HTR1F: variants seen among roughly 807,000 people sequenced by gnomAD.
HTR1F encodes 5-hydroxytryptamine (serotonin) receptor 1F, G protein-coupled.
A neutral mutation model predicts 24.0 loss-of-function variants in HTR1F; 17 were observed. The ratio of observed to expected loss-of-function variants is 0.71; its 90% CI spans 0.48 to 1.06. The LOEUF (loss-of-function observed/expected upper bound fraction) is 1.06, where lower values mean the gene tolerates loss of function less well. HTR1F is among the 50% of genes least tolerant of loss of function. HTR1F has a pLI of 0.00. For missense variants in HTR1F, 391 were observed against 427.8 expected, an observed-to-expected ratio of 0.91 and a Z score of 0.76; for synonymous variants, 186 against 156.8, an observed-to-expected ratio of 1.19 and a Z score of -1.39.
At chr3:87,856,042 A>G (rs1705190100) in intron 2 of HTR1F, among the ~76,000 whole-genome samples, 1 of 152,086 alleles carries the variant, frequency 6.6e-6, no homozygotes, top group Non-Finnish European at 1.5e-5. Context: ...TTAAGAAAAA[A>G]ATTATATTTC....
chr3:87,887,682 C>T (rs1279176827), intron 2 of HTR1F, among the ~76,000 whole-genome samples: 2 of 152,080 alleles, frequency 1.3e-5, no homozygotes, highest in East Asian at 3.9e-4. Flanking sequence ...GACACTTCTC[C>T]AAAGAAGACA....
chr3:87,869,295 T>C (rs9812260), intron 2 of HTR1F, among the ~76,000 whole-genome samples: 12,797 of 151,960 alleles, frequency 0.084, 1,711 homozygotes, highest in African/African-American at 0.29. Flanking sequence ...ATGAACATTA[T>C]TTGAAAGCTC....
chr3:87,884,905 T>C (rs1350300712), intron 2 of HTR1F, among the ~76,000 whole-genome samples: 1 of 152,112 alleles, frequency 6.6e-6, no homozygotes, highest in Non-Finnish European at 1.5e-5. Flanking sequence ...ATGGGAGACT[T>C]TAACACCCCA....
At chr3:87,805,270 C>A (rs530848738) in intron 1 of HTR1F, among the ~76,000 whole-genome samples, 2 of 151,966 alleles carry the variant, frequency 1.3e-5, no homozygotes, top group African/African-American at 2.4e-5. Flanking sequence ...CCTTAGTGAG[C>A]ATGGTCAATT....
intron 1 of HTR1F, among the ~76,000 whole-genome samples, chr3:87,813,166 G>A (rs1231921730): frequency 6.6e-6 from 1 of 152,200 alleles, no homozygotes; most frequent in Non-Finnish European, 1.5e-5. Context: ...CTTGCACTGT[G>A]TGCCTGGAAA....
chr3:87,962,622 G>T (rs112961569), intron 2 of HTR1F, among the ~76,000 whole-genome samples: 3,166 of 152,038 alleles, frequency 0.021, 103 homozygotes, highest in African/African-American at 0.072. Flanking sequence ...ATATTAGCAG[G>T]ATATGAAGTA....
chr3:87,821,045 T>C (rs968799752), intron 1 of HTR1F, among the ~76,000 whole-genome samples: 2 of 152,208 alleles, frequency 1.3e-5, no homozygotes, highest in Non-Finnish European at 1.5e-5. Context: ...AACCAACCCT[T>C]TGGTAATATT....
intron 2 of HTR1F, among the ~76,000 whole-genome samples, chr3:87,933,046 A>G (rs1474543441): frequency 2.7e-5 from 4 of 149,578 alleles, no homozygotes; most frequent in African/African-American, 9.9e-5. Context: ...AGGCTGGTTC[A>G]ATATATGCAA....
At chr3:87,968,024 C>T (rs538196125) in intron 2 of HTR1F, among the ~76,000 whole-genome samples, 1 of 152,244 alleles carries the variant, frequency 6.6e-6, no homozygotes, top group South Asian at 2.1e-4. Flanking sequence ...GACCAAAATG[C>T]TGATAGTAAT....
intron 2 of HTR1F, among the ~76,000 whole-genome samples, chr3:87,942,022 A>G (rs1576067176): frequency 6.6e-6 from 1 of 152,012 alleles, no homozygotes; most frequent in East Asian, 1.9e-4. Flanking sequence ...AGGAGGCAGA[A>G]TCCTTTAGTT....
chr3:87,854,295 A>C (rs1184630451), intron 2 of HTR1F, among the ~76,000 whole-genome samples: 1 of 151,674 alleles, frequency 6.6e-6, no homozygotes, highest in African/African-American at 2.4e-5. Context: ...TCTTGAATGT[A>C]TTTATTTGTG....
intron 2 of HTR1F, among the ~76,000 whole-genome samples, chr3:87,966,747 A>C (rs1705171225): frequency 6.6e-6 from 1 of 152,168 alleles, no homozygotes; most frequent in South Asian, 2.1e-4. Context: ...GGGCGTGGAA[A>C]ATTTCTTAAG....
intron 2 of HTR1F, among the ~76,000 whole-genome samples, chr3:87,933,867 G>C (rs763188164): frequency 2.0e-5 from 3 of 152,118 alleles, no homozygotes; most frequent in Non-Finnish European, 4.4e-5. Flanking sequence ...TGAAAGTCAT[G>C]GGCAGTAGCA....
At chr3:87,809,248 A>G (rs1376421722) in intron 1 of HTR1F, among the ~76,000 whole-genome samples, 1 of 151,858 alleles carries the variant, frequency 6.6e-6, no homozygotes, top group Admixed American at 6.6e-5. Context: ...TGCTTCATGT[A>G]CTAAATAATA....
intron 2 of HTR1F, among the ~76,000 whole-genome samples, chr3:87,832,771 A>G (rs559732469): frequency 6.6e-6 from 1 of 152,344 alleles, no homozygotes; most frequent in South Asian, 2.1e-4. Context: ...CACATTTCAC[A>G]TTATCAAGAT....
chr3:87,946,863 G>A (rs1282439350), intron 2 of HTR1F, among the ~76,000 whole-genome samples: 2 of 151,896 alleles, frequency 1.3e-5, no homozygotes, highest in Non-Finnish European at 2.9e-5. Flanking sequence ...CTGACCTCAT[G>A]ATCTGCCCGC....
chr3:87,859,672 G>C lies in HTR1F; in HGVS notation c.-43+37548G>C, dbSNP rs532512929. On this transcript the variant is annotated intron_variant, in intron 2 of 2. Transcript: ENST00000319595. ...TGAGAAGCATGAGGTTTCCTAGGCA[G>C]AGCCTGTGTGCTCTCCACAGTGGCT... Among the ~76,000 whole-genome samples, 17 of 152,312 alleles carry C rather than the reference G, an allele frequency of 1.1e-4. No homozygotes were observed. In the South Asian group the frequency reaches 2.7e-3, roughly 24 times the overall value.
rs1197411483 is a variant in HTR1F, at chr3:87,828,277, G to C, written c.-43+6153G>C. On this transcript the variant is annotated intron_variant, in intron 2 of 2. Coordinates refer to ENST00000319595, the MANE Select transcript of HTR1F (RefSeq NM_001322209.2). ...GAACTTATATTTCCTGGCATAACAT[G>C]AACTGGGAGTGTCATTCACGTTCGA... Among the ~76,000 whole-genome samples the C allele has an allele frequency of 4.6e-5, 7 of 152,130 alleles. No individual in the cohort carries two copies. In the East Asian group the frequency reaches 1.2e-3, roughly 25 times the overall value.
intron 2 of HTR1F, among the ~76,000 whole-genome samples, chr3:87,982,425 G>A (rs1449925264): frequency 6.6e-6 from 1 of 152,214 alleles, no homozygotes; most frequent in African/African-American, 2.4e-5. Flanking sequence ...GGCACGTAGT[G>A]ACTGTCAATC....
Sources: allele counts gnomAD v4.1 joint callset (sites outside exome capture counted in the v4.1 genomes callset), GRCh38; gene constraint gnomAD v4.1.1; transcripts MANE v1.5; gene names NCBI Gene and HGNC (gene_info 2026-07-23, HGNC 2026-07-21).